MED12L: variants seen among roughly 807,000 people sequenced by gnomAD.
MED12L encodes mediator complex subunit 12L, also known as mediator of RNA polymerase II transcription subunit 12-like protein.
In MED12L, 60 loss-of-function variants were observed where a neutral mutation model predicts 281.3. The ratio of observed to expected loss-of-function variants is 0.21; its 90% CI spans 0.17 to 0.26. The LOEUF is 0.26. MED12L is among the 10% of genes least tolerant of loss of function. The pLI is 1.00. For missense variants in MED12L, 2,146 were observed against 2,680.9 expected, an observed-to-expected ratio of 0.80 and a Z score of 4.41; for synonymous variants, 974 against 987.2, an observed-to-expected ratio of 0.99 and a Z score of 0.25.
At chr3:151,294,604 C>G (rs1744806703) in intron 16 of MED12L, 1 of 1,614,068 alleles carries the variant, frequency 6.2e-7, no homozygotes, top group African/African-American at 1.3e-5. Flanking sequence ...CGGCCACAAA[C>G]AAGCAGCTGT....
At chr3:151,121,920 G>A (rs962408577) in intron 3 of MED12L, among the ~76,000 whole-genome samples, 1 of 151,722 alleles carries the variant, frequency 6.6e-6, no homozygotes, top group African/African-American at 2.4e-5. Context: ...CACTGTGTTG[G>A]CCAGGCTGGT....
At chr3:151,265,720 G>A (rs531502355) in intron 16 of MED12L, among the ~76,000 whole-genome samples, 5 of 152,222 alleles carry the variant, frequency 3.3e-5, no homozygotes, top group Middle Eastern at 3.4e-3. Flanking sequence ...CCAGGGAGAC[G>A]GATGGTGTCC....
At chr3:151,196,271 G>T (rs986888048) in intron 16 of MED12L, among the ~76,000 whole-genome samples, 2 of 152,144 alleles carry the variant, frequency 1.3e-5, no homozygotes, top group African/African-American at 4.8e-5. Context: ...TTCCACCACT[G>T]GTTGCCCTAA....
At chr3:151,334,196 C>CTTTTTTTTTTTTTTTTTTTT (rs71138494) in intron 16 of MED12L, among the ~76,000 whole-genome samples, 4 of 118,210 alleles carry the variant, frequency 3.4e-5, no homozygotes, top group African/African-American at 6.4e-5. Flanking sequence ...TTCTTTCTTT[C>CTTTTTTTTTTTTTTTTTTTT]TTTTTTTTTT....
rs1560087681 is a variant in MED12L, at chr3:151,368,696, TTTCATTTCATTTC to T, written c.3550+446_3550+458del. ...TTTCATGTCATTTCATTTTATTTCATTTCATTTCATTTCATTTCATTTCATTTCATTTCATTTC... is the reference window on the plus strand; with the variant it reads ...TTTCATGTCATTTCATTTTATTTCATATTTCATTTCATTTCATTTCATTTC... On this transcript the variant is annotated intron_variant, in intron 25 of 44. Coordinates refer to ENST00000687756, the MANE Select transcript of MED12L (RefSeq NM_001393769.1). Among the ~76,000 whole-genome samples, 88 of 54,832 alleles carry T rather than the reference TTTCATTTCATTTC, an allele frequency of 1.6e-3. 1 individual carries two copies. The highest frequency in any genetic ancestry group is 4.5e-3 in the African/African-American group (49 of 10,816). 36.0% of individuals were successfully genotyped at this position (54,832 alleles called of 152,430 possible).
At chr3:151,254,418 C>T (rs1342917961) in intron 16 of MED12L, among the ~76,000 whole-genome samples, 3 of 152,170 alleles carry the variant, frequency 2.0e-5, no homozygotes, top group Admixed American at 6.6e-5. Flanking sequence ...CCAGGGGAAA[C>T]CTTGCTGTCT....
chr3:151,135,516 T>C lies in MED12L; in HGVS notation c.556+7532T>C, dbSNP rs1226441819. On this transcript the variant is annotated intron_variant, in intron 5 of 44. Transcript: ENST00000687756. ...TTTATCTGTAACCTTGCAATGTAGG[T>C]TTCATTATTCCATTTTGTGTATGAG... is the stretch of plus-strand genomic sequence containing the variant. Among the ~76,000 whole-genome samples the C allele has an allele frequency of 1.7e-4, 26 of 152,172 alleles. 1 individual carries two copies. Among genetic ancestry groups the C allele is most frequent in the Admixed American group, 1.6e-3 (25 of 15,288 alleles).
chr3:151,111,245 A>G (rs1711837864), intron 2 of MED12L, among the ~76,000 whole-genome samples: 1 of 152,258 alleles, frequency 6.6e-6, no homozygotes, highest in African/African-American at 2.4e-5. Context: ...GATACGAACA[A>G]TAGCAGCAAT....
At chr3:151,354,387 A>G (rs1753666104) in intron 17 of MED12L, among the ~76,000 whole-genome samples, 2 of 152,146 alleles carry the variant, frequency 1.3e-5, no homozygotes, top group South Asian at 4.1e-4. Flanking sequence ...CTAATTTGAT[A>G]AACATGTCAC....
At chr3:151,089,331 A>C (rs966604021) in intron 2 of MED12L, among the ~76,000 whole-genome samples, 2 of 152,076 alleles carry the variant, frequency 1.3e-5, no homozygotes, top group African/African-American at 4.8e-5. Flanking sequence ...CGAAAACAAC[A>C]GTTGTGTTCC....
At chr3:151,348,449 C>T (rs1752830739) in intron 16 of MED12L, among the ~76,000 whole-genome samples, 1 of 151,940 alleles carries the variant, frequency 6.6e-6, no homozygotes, top group African/African-American at 2.4e-5. Flanking sequence ...GATGCGCAGC[C>T]AGCTCTAGGG....
At chr3:151,225,378 C>T (rs1332936068) in intron 16 of MED12L, among the ~76,000 whole-genome samples, 1 of 152,104 alleles carries the variant, frequency 6.6e-6, no homozygotes, top group Non-Finnish European at 1.5e-5. Context: ...CTCTGAAGCT[C>T]AAGATGGAGG....
chr3:151,265,267 G>C (rs1381248168), intron 16 of MED12L, among the ~76,000 whole-genome samples: 1 of 152,212 alleles, frequency 6.6e-6, no homozygotes, highest in Non-Finnish European at 1.5e-5. Flanking sequence ...ACTTTAAATA[G>C]TCATCATGGA....
At chr3:151,285,028 A>G (rs1743285911) in intron 16 of MED12L, among the ~76,000 whole-genome samples, 1 of 152,288 alleles carries the variant, frequency 6.6e-6, no homozygotes, top group South Asian at 2.1e-4. Flanking sequence ...TCCCTCTAAT[A>G]TTTATGTGTT....
chr3:151,435,896 A>G lies in MED12L; in HGVS notation c.*3092A>G, dbSNP rs930001089. 1 of 152,232 alleles carries G rather than the reference A, an allele frequency of 6.6e-6. No homozygotes were observed. Among genetic ancestry groups the G allele is most frequent in the Non-Finnish European group, 1.5e-5 (1 of 68,042 alleles). The allele number at this position is 152,232 out of a possible 1,614,324, so 9.4% of individuals were successfully genotyped here. ...AAAGAATTAATGAAATGAAATGCTT[A>G]TAGAGCAACGATTCCTGCTCAGAAA... On this transcript the variant is annotated 3_prime_UTR_variant, in exon 45 of 45. Coordinates refer to ENST00000687756, the MANE Select transcript of MED12L (RefSeq NM_001393769.1).
chr3:151,178,544 C>G (rs542414244), intron 11 of MED12L, among the ~76,000 whole-genome samples: 1 of 152,146 alleles, frequency 6.6e-6, no homozygotes, highest in African/African-American at 2.4e-5. Flanking sequence ...GAGTTACCTA[C>G]CCAGGTTCTT....
chr3:151,289,392 T>C (rs943206820), intron 16 of MED12L, among the ~76,000 whole-genome samples: 1 of 152,216 alleles, frequency 6.6e-6, no homozygotes, highest in Admixed American at 6.5e-5. Flanking sequence ...AGATACTCAC[T>C]CTGTATTATA....
Position 151,284,703 on chromosome 3 carries a change from G to A in MED12L, c.2251-65356G>A, listed in dbSNP as rs140470563. 5.6e-3 allele frequency among the ~76,000 whole-genome samples: 860 copies of A among 152,238 alleles called. 11 individuals are homozygous for A. The highest frequency in any genetic ancestry group is 5.4e-3 in the Non-Finnish European group (364 of 68,020). On this transcript the variant is annotated intron_variant, in intron 16 of 44. Transcript: ENST00000687756. ...AGCTCACCACAACCTCCGCCTCCCG[G>A]GTTCTGGTGATTCTTCTGCCTCAGC...
rs577532024 is a variant in MED12L, at chr3:151,217,648, G to T, written c.2250+23982G>T. 4.6e-5 allele frequency among the ~76,000 whole-genome samples: 7 copies of T among 152,302 alleles called. No homozygotes were observed. In the South Asian group the frequency reaches 1.2e-3, roughly 27 times the overall value. ...TGGTTGGGTGCCTCTGCTACCCTGT[G>T]CCACTGTCTGGTTTGATACAGCAGA... On this transcript the variant is annotated intron_variant, in intron 16 of 44. Coordinates refer to ENST00000687756, the MANE Select transcript of MED12L (RefSeq NM_001393769.1).
Sources: gnomAD v4.1 joint callset for allele counts (sites outside exome capture counted in the v4.1 genomes callset) on GRCh38, gnomAD v4.1.1 for gene constraint, MANE v1.5 for transcripts, NCBI Gene and HGNC (gene_info 2026-07-23, HGNC 2026-07-21) for gene names.